ANKRD44: variants seen among roughly 807,000 people sequenced by gnomAD.
The protein encoded by ANKRD44 is ankyrin repeat domain 44.
A neutral mutation model predicts 116.0 loss-of-function variants in ANKRD44; 35 were observed. The ratio of observed to expected loss-of-function variants is 0.30; its 90% confidence interval spans 0.23 to 0.40. The LOEUF (loss-of-function observed/expected upper bound fraction) is 0.40, where lower values mean the gene tolerates loss of function less well. ANKRD44 is among the 10% of genes least tolerant of loss of function. The pLI, the probability that ANKRD44 is intolerant of heterozygous loss-of-function variation, is 1.00. For synonymous variants in ANKRD44, 435 were observed against 461.8 expected (o/e 0.94, Z 0.74); for missense variants, 1,014 against 1,242.6 (o/e 0.82, Z 2.77).
At chr2:197,255,745 C>A (rs1001248225) in intron 1 of ANKRD44, among the ~76,000 whole-genome samples, 7 of 152,238 alleles carry the variant, frequency 4.6e-5, no homozygotes, top group African/African-American at 1.2e-4. Flanking sequence ...GGCAGCTACA[C>A]AGCGGCCAGG....
At chr2:197,167,476 C>G (rs983056491) in intron 2 of ANKRD44, among the ~76,000 whole-genome samples, 1 of 152,172 alleles carries the variant, frequency 6.6e-6, no homozygotes, top group Non-Finnish European at 1.5e-5. Context: ...GCTAGACCAT[C>G]TATCTTAGAT....
chr2:197,243,865 T>C (rs2082137400), intron 1 of ANKRD44, among the ~76,000 whole-genome samples: 1 of 152,206 alleles, frequency 6.6e-6, no homozygotes, highest in South Asian at 2.1e-4. Flanking sequence ...AGTTTCAACA[T>C]ATGAATTTTG....
At chr2:197,209,484 A>G (rs2081280798) in intron 1 of ANKRD44, among the ~76,000 whole-genome samples, 1 of 152,194 alleles carries the variant, frequency 6.6e-6, no homozygotes, top group African/African-American at 2.4e-5. Flanking sequence ...TGCCTTTAGC[A>G]GACATCACTA....
intron 2 of ANKRD44, 99 bp from the exon 3 acceptor site, chr2:197,147,204 C>A: frequency 1.1e-6 from 1 of 943,496 alleles, no homozygotes; most frequent in Non-Finnish European, 1.7e-6. Context: ...GTGGTTAATG[C>A]ATGTGGAAGA....
At chr2:197,207,284 C>A (rs2081229134) in intron 1 of ANKRD44, among the ~76,000 whole-genome samples, 1 of 152,262 alleles carries the variant, frequency 6.6e-6, no homozygotes. Flanking sequence ...TCCTAGTTCA[C>A]CAATGAGGCC....
downstream of ANKRD44, among the ~76,000 whole-genome samples, chr2:196,983,730 A>G (rs144317640): frequency 3.9e-5 from 6 of 152,362 alleles, no homozygotes; most frequent in African/African-American, 1.4e-4. Context: ...TTAAAAGCAG[A>G]AAATAGTATC....
rs1166130353 is a variant in ANKRD44, at chr2:197,122,776, TACA to T, written c.564_566del (p.Val189del). ...CTGCGCCATGGTTAATGAGCAATGC[TACA>T]ACATCCAAGTGGCCTTTACAAACAA... On this transcript the variant is annotated inframe_deletion, in exon 7 of 28. Transcript: ENST00000282272. 1 of 1,613,732 alleles carries T rather than the reference TACA, an allele frequency of 6.2e-7. No homozygotes were observed. Among genetic ancestry groups the T allele is most frequent in the Admixed American group, 1.7e-5 (1 of 59,952 alleles).
intron 27 of ANKRD44, among the ~76,000 whole-genome samples, chr2:196,991,369 TC>T (rs2075912652): frequency 6.6e-6 from 1 of 152,144 alleles, no homozygotes; most frequent in African/African-American, 2.4e-5. Flanking sequence ...ACAATGACTT[TC>T]CATTGTTAGG....
intron 18 of ANKRD44, among the ~76,000 whole-genome samples, chr2:197,010,996 AT>A (rs2076289516): frequency 6.6e-6 from 1 of 152,250 alleles, no homozygotes; most frequent in African/African-American, 2.4e-5. Context: ...TTTGTAGACC[AT>A]TGCATTCAGC....
rs531906203 is a variant in ANKRD44, at chr2:197,255,864, G to A, written c.27+54714C>T. Among the ~76,000 whole-genome samples, 12 of 152,366 alleles carry A rather than the reference G, an allele frequency of 7.9e-5. No homozygotes were observed. In the East Asian group the frequency reaches 2.1e-3, roughly 27 times the overall value. On this transcript the variant is annotated intron_variant, in intron 1 of 27. Coordinates refer to ENST00000282272, the MANE Select transcript of ANKRD44 (RefSeq NM_001195144.2). ...AAGGACCCTGCGCTTCATGTAAGAC[G>A]TTCACCAAATAAAGAAATGTTTAAT...
intron 3 of ANKRD44, among the ~76,000 whole-genome samples, chr2:197,138,253 A>G (rs937713309): frequency 6.6e-6 from 1 of 152,202 alleles, no homozygotes; most frequent in Non-Finnish European, 1.5e-5. Flanking sequence ...TCACCTCTAA[A>G]TCTATGACTC....
chr2:197,191,278 C>G (rs936400300), intron 1 of ANKRD44, among the ~76,000 whole-genome samples: 1 of 152,128 alleles, frequency 6.6e-6, no homozygotes, highest in African/African-American at 2.4e-5. Flanking sequence ...TCAAAATCAC[C>G]AACAACTAGC....
intron 4 of ANKRD44, chr2:197,134,586 A>C (rs2079173074): frequency 6.6e-6 from 1 of 152,208 alleles, no homozygotes; most frequent in African/African-American, 2.4e-5. Context: ...TGAGCTAACA[A>C]AGATAGAGAT....
chr2:197,280,725 C>T (rs539533448), intron 1 of ANKRD44, among the ~76,000 whole-genome samples: 1 of 152,240 alleles, frequency 6.6e-6, no homozygotes, highest in Non-Finnish European at 1.5e-5. Context: ...AGTATTATTA[C>T]CCCTTGATAA....
chr2:197,186,612 CTTTTTTTTTTTTTTTTTTT>C (rs149107038), intron 2 of ANKRD44, among the ~76,000 whole-genome samples: 7 of 50,782 alleles, frequency 1.4e-4, no homozygotes, highest in East Asian at 1.1e-3. Context: ...GCTAATTTTT[CTTTTTTTTTTTTTTTTTTT>C]TTTTTTTTTT....
intron 1 of ANKRD44, among the ~76,000 whole-genome samples, chr2:197,219,251 G>A (rs1426687276): frequency 6.6e-6 from 1 of 151,922 alleles, no homozygotes; most frequent in Non-Finnish European, 1.5e-5. Flanking sequence ...TGTATTTTTA[G>A]TAGAGATGGG....
At chr2:197,220,681 A>G (rs2125726395) in intron 1 of ANKRD44, among the ~76,000 whole-genome samples, 1 of 152,312 alleles carries the variant, frequency 6.6e-6, no homozygotes, top group Non-Finnish European at 1.5e-5. Flanking sequence ...CAGCTAAAGC[A>G]TTTAGTTTGC....
At chr2:196,968,702 C>A in intron 21 of ANKRD44, among the ~76,000 whole-genome samples, 1 of 152,188 alleles carries the variant, frequency 6.6e-6, no homozygotes, top group East Asian at 1.9e-4. Flanking sequence ...TTTGGACTCT[C>A]CTGGTCACTG....
intron 1 of ANKRD44, among the ~76,000 whole-genome samples, chr2:197,188,531 T>C (rs888409415): frequency 3.3e-5 from 5 of 152,188 alleles, no homozygotes; most frequent in African/African-American, 4.8e-5. Context: ...GCTAGCCACA[T>C]GCAAAGCCCA....
Sources: gnomAD v4.1 joint callset for allele counts (sites outside exome capture counted in the v4.1 genomes callset) on GRCh38, gnomAD v4.1.1 for gene constraint, MANE v1.5 for transcripts, NCBI Gene and HGNC (gene_info 2026-07-23, HGNC 2026-07-21) for gene names.